The following CENPK variants were observed in gnomAD, a reference collection of about 807,000 sequenced individuals.
The protein encoded by CENPK is SoxLZ/Sox6-binding protein Solt.
Under a neutral mutation model 40.9 loss-of-function variants are expected in CENPK, and 46 were observed. The ratio of observed to expected loss-of-function variants is 1.13; its 90% confidence interval spans 0.89 to 1.44. CENPK has a LOEUF of 1.44. CENPK is among the 40% of genes most tolerant of loss of function. The probability of loss-of-function intolerance (pLI) is 0.00; values close to 1 mark genes in which losing one functional copy is unlikely to be tolerated. For synonymous variants in CENPK, 107 were observed against 104.4 expected (o/e 1.02, Z -0.15); for missense variants, 288 against 303.5 (o/e 0.95, Z 0.38).
chr5:65,504,350 G>A, the CENPK span, among the ~76,000 whole-genome samples: 17 of 151,122 alleles, frequency 1.1e-4, no homozygotes, highest in Non-Finnish European at 2.1e-4. Flanking sequence ...CAGATACTCC[G>A]GAGGCCTAGG....
At chr5:65,552,670 AAG>A (rs1750299220) in intron 3 of CENPK, 121 bp from the exon 4 acceptor site, 1 of 510,872 alleles carries the variant, frequency 2.0e-6, no homozygotes, top group African/African-American at 2.0e-5. Flanking sequence ...TCTGATGGAG[AAG>A]AGTTTATTGA....
downstream of CENPK, among the ~76,000 whole-genome samples, chr5:65,514,263 G>GTTTTTTTTTTTTTTTTTTTTTTTT (rs59636233): frequency 2.5e-4 from 7 of 27,728 alleles, 1 homozygote; most frequent in African/African-American, 4.5e-4. Flanking sequence ...TTTTTTTTTA[G>GTTTTTTTTTTTTTTTTTTTTTTTT]TTTTTTTTAG....
chr5:65,550,288 C>A (rs1749744383), intron 5 of CENPK, among the ~76,000 whole-genome samples: 1 of 151,952 alleles, frequency 6.6e-6, no homozygotes, highest in Non-Finnish European at 1.5e-5. Context: ...CCTCATGAAA[C>A]TTAATCATTT....
intron 6 of CENPK, among the ~76,000 whole-genome samples, chr5:65,536,878 T>C (rs1747007943): frequency 6.6e-6 from 1 of 152,184 alleles, no homozygotes; most frequent in South Asian, 2.1e-4. Context: ...TGTGGCAGTG[T>C]TAAGAGGTAG....
the CENPK span, among the ~76,000 whole-genome samples, chr5:65,497,442 A>T: frequency 2.6e-5 from 4 of 152,208 alleles, no homozygotes; most frequent in African/African-American, 7.2e-5. Flanking sequence ...AAACTACAAT[A>T]TGGACAATCA....
chr5:65,501,294 T>A, the CENPK span, among the ~76,000 whole-genome samples: 4 of 145,580 alleles, frequency 2.7e-5, no homozygotes. Flanking sequence ...TTCTCCTACC[T>A]CTGCCTCCCT....
At chr5:65,506,719 A>G in the CENPK span, among the ~76,000 whole-genome samples, 1 of 151,880 alleles carries the variant, frequency 6.6e-6, no homozygotes, top group African/African-American at 2.4e-5. Context: ...CGATAAGAGG[A>G]GATTGCAGTG....
chr5:65,537,330 A>T (rs892164580), intron 6 of CENPK, among the ~76,000 whole-genome samples: 1 of 152,078 alleles, frequency 6.6e-6, no homozygotes, highest in African/African-American at 2.4e-5. Context: ...TTTGAGACGG[A>T]GTCTCGCTCT....
intron 2 of CENPK, among the ~76,000 whole-genome samples, chr5:65,560,161 T>C (rs1178718777): frequency 1.3e-5 from 2 of 152,106 alleles, no homozygotes; most frequent in African/African-American, 4.8e-5. Context: ...TTTTTAATTC[T>C]GCATGGACAA....
At chr5:65,531,981 G>T (rs553157591) in intron 6 of CENPK, among the ~76,000 whole-genome samples, 3 of 152,244 alleles carry the variant, frequency 2.0e-5, no homozygotes, top group Non-Finnish European at 2.9e-5. Flanking sequence ...ATGAAAATTG[G>T]TTTTTTGAGA....
At chr5:65,517,308 A>G (rs1238859566), downstream of CENPK, among the ~76,000 whole-genome samples, 1 of 152,222 alleles carries the variant, frequency 6.6e-6, no homozygotes, top group East Asian at 1.9e-4. Context: ...CTTCACGGAC[A>G]ACAGTACTAC....
At chr5:65,521,652 G>T in intron 9 of CENPK, 124 bp from the exon 10 acceptor site, 1 of 678,290 alleles carries the variant, frequency 1.5e-6, no homozygotes. Context: ...CCAGGCTGGA[G>T]TGCAATGGCG....
At chr5:65,562,486 G>C (rs557829625) in intron 1 of CENPK, among the ~76,000 whole-genome samples, 12 of 152,296 alleles carry the variant, frequency 7.9e-5, no homozygotes, top group Middle Eastern at 6.8e-3. Context: ...GATTTACGAC[G>C]AGGATTTTAT....
At chr5:65,497,866 T>A in the CENPK span, among the ~76,000 whole-genome samples, 7 of 152,140 alleles carry the variant, frequency 4.6e-5, no homozygotes, top group Non-Finnish European at 1.5e-5. Flanking sequence ...CAAGACCCTA[T>A]TTCAAACAAA....
chr5:65,548,069 GAAGA>G (rs1416172983), intron 5 of CENPK, among the ~76,000 whole-genome samples: 1 of 152,142 alleles, frequency 6.6e-6, no homozygotes, highest in East Asian at 1.9e-4. Flanking sequence ...CAGAGCGGGA[GAAGA>G]AAGAAGCAGG....
At chr5:65,543,983 T>C (rs1180223361) in intron 5 of CENPK, among the ~76,000 whole-genome samples, 1 of 152,224 alleles carries the variant, frequency 6.6e-6, no homozygotes, top group Non-Finnish European at 1.5e-5. Context: ...GTTCAATCCT[T>C]ATGCTAGAAA....
intron 6 of CENPK, among the ~76,000 whole-genome samples, chr5:65,533,451 A>G (rs995953951): frequency 6.6e-6 from 1 of 152,122 alleles, no homozygotes; most frequent in Non-Finnish European, 1.5e-5. Context: ...TCTACGAAAA[A>G]CCTACTGCTA....
chr5:65,562,335 G>A (rs565660875), intron 1 of CENPK, among the ~76,000 whole-genome samples: 4 of 152,158 alleles, frequency 2.6e-5, no homozygotes, highest in Non-Finnish European at 5.9e-5. Context: ...TCTGATGAGA[G>A]CAGAGGGCAG....
At chr5:65,542,226 A>T (rs942683831) in intron 6 of CENPK, among the ~76,000 whole-genome samples, 2 of 152,232 alleles carry the variant, frequency 1.3e-5, no homozygotes, top group Non-Finnish European at 2.9e-5. Flanking sequence ...GGGGTCATTA[A>T]GCGATGTTTA....
Sources: allele counts gnomAD v4.1 joint callset (sites outside exome capture counted in the v4.1 genomes callset), GRCh38; gene constraint gnomAD v4.1.1; transcripts MANE v1.5; gene names NCBI Gene and HGNC (gene_info 2026-07-23, HGNC 2026-07-21).